Variants in SAMD11 observed in about 807,000 individuals in gnomAD.
SAMD11 encodes the protein sterile alpha motif domain-containing protein 11.
A neutral mutation model predicts 64.4 loss-of-function variants in SAMD11; 77 were observed. The ratio of observed to expected loss-of-function variants is 1.20; its 90% CI spans 0.99 to 1.44. The LOEUF (loss-of-function observed/expected upper bound fraction) is 1.44. SAMD11 is among the 40% of genes most tolerant of loss of function. SAMD11 has a pLI of 0.00. For synonymous variants in SAMD11, 658 were observed against 421.9 expected (o/e 1.56, Z -6.86); for missense variants, 1,402 against 943.3 (o/e 1.49, Z -6.37).
In SAMD11 at chr1:928,191, A is replaced by G. The variant is rs576826213; in HGVS notation, c.610-1964A>G. On this transcript the variant is annotated intron_variant, in intron 2 of 13. Transcript: ENST00000616016. ...GGCGGATCACGAGGTCAGGAGATCG[A>G]GACCATCCTGACTAACACGGTGAAA... Among the ~76,000 whole-genome samples, 755 of 152,198 alleles carry G rather than the reference A, an allele frequency of 5.0e-3. 3 individuals carry two copies. The highest frequency in any genetic ancestry group is 0.017 in the African/African-American group (692 of 41,526).
intron 7 of SAMD11, chr1:940,231 T>C (rs896102985): frequency 6.7e-6 from 1 of 149,680 alleles, no homozygotes; most frequent in Admixed American, 6.7e-5. Context: ...GGGGCCGCTC[T>C]GCTGGCCGCG....
At position 944,167 on chromosome 1, in the gene SAMD11, AGG is replaced by A. The variant is rs756128399; in HGVS notation, c.*17_*18del. 1 of 1,532,830 alleles carries A rather than the reference AGG, an allele frequency of 6.5e-7. No homozygotes were observed. The highest frequency in any genetic ancestry group is 8.8e-7 in the Non-Finnish European group (1 of 1,138,936). The allele number at this position is 1,532,830 out of a possible 1,614,324, so 95.0% of individuals were successfully genotyped here. A position where few individuals can be genotyped will look rare whatever the true frequency, so the allele number is the denominator to read the frequency against. ...CCTCTGTGTTGAGGTTGCCGGGGGTAGGGGTGGGGCCACACAAATCTCCAGGA... is the reference window on the plus strand; with the variant it reads ...CCTCTGTGTTGAGGTTGCCGGGGGTAGGTGGGGCCACACAAATCTCCAGGA... On this transcript the variant is annotated 3_prime_UTR_variant, in exon 14 of 14. Transcript: ENST00000616016.
In SAMD11 at chr1:943,726, A is replaced by G. The variant is rs755183924; in HGVS notation, c.2207A>G (p.Glu736Gly). The change falls in exon 13 of 14, where the codon GAG becomes GGG. Residue 736 changes from glutamate (E) to glycine (G), a missense_variant. Coordinates refer to ENST00000616016, the MANE Select transcript of SAMD11 (RefSeq NM_001385641.1). ...TTCAGGGAGCAGGGGATCGACGGGG[A>G]GACCCTGCCACTGCTGACGGAGGAG... ...RVFREQGIDG[E>G]TLPLLTEEHL... The G allele has an allele frequency of 1.3e-6, 2 of 1,589,574 alleles. No individual in the cohort carries two copies. The highest frequency in any genetic ancestry group is 1.7e-6 in the Non-Finnish European group (2 of 1,166,716).
intron 4 of SAMD11, among the ~76,000 whole-genome samples, chr1:933,423 A>AC (rs1338430028): frequency 6.6e-6 from 1 of 152,048 alleles, no homozygotes; most frequent in African/African-American, 2.4e-5. Flanking sequence ...CAGCCCCTCC[A>AC]CCCAGCTATT....
chr1:940,577 C>G (rs1016669474), intron 7 of SAMD11: 3 of 152,420 alleles, frequency 2.0e-5, no homozygotes, highest in African/African-American at 7.2e-5. Context: ...TGGGACGCGG[C>G]GCCTTAGACG....
chr1:929,588 C>T (rs897468786), intron 2 of SAMD11, among the ~76,000 whole-genome samples: 39 of 152,312 alleles, frequency 2.6e-4, no homozygotes, highest in Non-Finnish European at 5.3e-4. Flanking sequence ...AGAAGGGTCA[C>T]AAAGTACGGG....
Position 939,422 on chromosome 1 carries a change from C to T in SAMD11, c.1195+10C>T, listed in dbSNP as rs1297369267. 4.9e-6 allele frequency: 7 copies of T among 1,441,686 alleles called. No individual in the cohort carries two copies. Among genetic ancestry groups the T allele is most frequent in the East Asian group, 2.2e-5 (1 of 44,556 alleles). The allele number at this position is 1,441,686 out of a possible 1,614,324, so 89.3% of individuals were successfully genotyped here. A position where few individuals can be genotyped will look rare whatever the true frequency, so the allele number is the denominator to read the frequency against. On this transcript the variant is annotated intron_variant, in intron 7 of 13. Transcript: ENST00000616016. Reference sequence around the variant, plus strand: ...GGCCTCCCCAGCCACGGTGAGGACCCACCCTGGCATGATCCCCCTCATCAC... The same window carrying T: ...GGCCTCCCCAGCCACGGTGAGGACCTACCCTGGCATGATCCCCCTCATCAC...
At chr1:928,264 T>TGCC (rs1641000887) in intron 2 of SAMD11, among the ~76,000 whole-genome samples, 1 of 151,654 alleles carries the variant, frequency 6.6e-6, no homozygotes, top group South Asian at 2.1e-4. Flanking sequence ...TGGTGGCGGG[T>TGCC]GCCTGTAGTC....
rs550696180 is a variant in SAMD11, at chr1:937,954, G to A, written c.968-1086G>A. 7.2e-5 allele frequency among the ~76,000 whole-genome samples: 11 copies of A among 152,346 alleles called. No individual in the cohort carries two copies. In the South Asian group the frequency reaches 1.2e-3, roughly 17 times the overall value. ...GCCTGGAGCTGACGGCAGGGCTTGT[G>A]GGGGGACGGGCTTGGGAGCCCCACT... On this transcript the variant is annotated intron_variant, in intron 5 of 13. Coordinates refer to ENST00000616016, the MANE Select transcript of SAMD11 (RefSeq NM_001385641.1).
In SAMD11 at chr1:942,581, C is replaced by T. The variant is rs1385891997; in HGVS notation, c.1576C>T (p.Leu526=). The change falls in exon 11 of 14, where the codon CTG becomes TTG. Residue 526 remains leucine, a synonymous_variant. Coordinates refer to ENST00000616016, the MANE Select transcript of SAMD11 (RefSeq NM_001385641.1). ...CAGGCTGGAGCTGCCCGCCGACCTC[C>T]TGCGGCAGAAGGAGCTGGAGAGCGC... ...LARLELPADL[L]RQKELESARP... 5 of 1,414,568 alleles carry T rather than the reference C, an allele frequency of 3.5e-6. No individual in the cohort carries two copies. The highest frequency in any genetic ancestry group is 6.6e-5 in the Admixed American group (2 of 30,392). 87.6% of individuals were successfully genotyped at this position (1,414,568 alleles called of 1,614,324 possible). A position where few individuals can be genotyped will look rare whatever the true frequency, so the allele number is the denominator to read the frequency against.
rs754500093 is a variant in SAMD11, at chr1:941,216, C to T, written c.1268C>T (p.Pro423Leu). ...RGPSGLEAHL[P>L]SSTAGQRRKQ... ...CCCAGTGGCCTGGAAGCCCACCTGC[C>T]CTCCTCCACGGCAGGTCAGCGTCGG... is the stretch of plus-strand genomic sequence containing the variant. Residue 423 changes from proline (P) to leucine (L), a missense_variant, in exon 8 of 14, where the codon CCC becomes CTC. Transcript: ENST00000616016. 6.9e-6 allele frequency: 11 copies of T among 1,601,972 alleles called. No homozygotes were observed. The highest frequency in any genetic ancestry group is 6.8e-5 in the Admixed American group (4 of 58,794).
chr1:940,285 G>GA lies in SAMD11; in HGVS notation c.1196-859_1196-858insA, dbSNP rs1198731897. ...CGCCGGGGAGCGCGCTGTCAATCAG[G>GA]CCGCGCCGCCGCCCCCCCCCCCCGC... On this transcript the variant is annotated intron_variant, in intron 7 of 13. Coordinates refer to ENST00000616016, the MANE Select transcript of SAMD11 (RefSeq NM_001385641.1). 18 of 117,246 alleles carry GA rather than the reference G, an allele frequency of 1.5e-4. No individual in the cohort carries two copies. The East Asian group carries it at 5.0e-3, about 33-fold the overall frequency. The allele number at this position is 117,246 out of a possible 1,614,324, so 7.3% of individuals were successfully genotyped here. A position where few individuals can be genotyped will look rare whatever the true frequency, so the allele number is the denominator to read the frequency against.
At chr1:938,850 T>TC (rs1308546329) in intron 5 of SAMD11, among the ~76,000 whole-genome samples, 190 bp from the exon 6 acceptor site, 3 of 152,112 alleles carry the variant, frequency 2.0e-5, no homozygotes, top group Non-Finnish European at 4.4e-5. Context: ...TGTGCCCCTG[T>TC]CCCGCCACAG....
chr1:931,282 C>A (rs144909854), intron 4 of SAMD11, among the ~76,000 whole-genome samples, 193 bp downstream of exon 4: 1 of 152,170 alleles, frequency 6.6e-6, no homozygotes, highest in African/African-American at 2.4e-5. Flanking sequence ...AGTGTTGCAC[C>A]CAGTTGGGAC....
intron 1 of SAMD11, chr1:925,308 G>C (rs60837925): frequency 6.6e-6 from 1 of 151,102 alleles, no homozygotes; most frequent in African/African-American, 2.4e-5. Flanking sequence ...CTGGAGGGGC[G>C]CACGTGCGGC....
In SAMD11 at chr1:941,311, TG is replaced by T. The variant is rs1352258672; in HGVS notation, c.1358+9del. 3 of 1,556,504 alleles carry T rather than the reference TG, an allele frequency of 1.9e-6. No homozygotes were observed. The highest frequency in any genetic ancestry group is 3.8e-5 in the Admixed American group (2 of 52,714). Reference sequence around the variant, plus strand: ...CGCCCCGTCCTTCTCGGAGAGGTACTGGGGTGGCTGCCGTTCTCTGCTTGTT... The same window carrying T: ...CGCCCCGTCCTTCTCGGAGAGGTACTGGGTGGCTGCCGTTCTCTGCTTGTT... On this transcript the variant is annotated splice_donor_region_variant and intron_variant, in intron 8 of 13. Coordinates refer to ENST00000616016, the MANE Select transcript of SAMD11 (RefSeq NM_001385641.1).
rs770116036 is a variant in SAMD11 at position 931,032 on chromosome 1, C to G, written c.792-7C>G. 6.2e-7 allele frequency: 1 copy of G among 1,612,394 alleles called. No homozygotes were observed. Among genetic ancestry groups the G allele is most frequent in the East Asian group, 2.2e-5 (1 of 44,814 alleles). On this transcript the variant is annotated splice_polypyrimidine_tract_variant and splice_region_variant and intron_variant, in intron 3 of 13. Transcript: ENST00000616016. ...GCAACATGGACCTTCTGCTTCCCTT[C>G]CTGCAGAGTCCACACCCACTGGGAC...
chr1:930,433 C>A, intron 3 of SAMD11, 97 bp downstream of exon 3: 1 of 1,291,604 alleles, frequency 7.7e-7, no homozygotes, highest in Non-Finnish European at 1.1e-6. Flanking sequence ...ACACCGGCCT[C>A]CCACACCTTC....
At chr1:936,020 C>A (rs973722416) in intron 5 of SAMD11, 124 bp downstream of exon 5, 29 of 1,001,618 alleles carry the variant, frequency 2.9e-5, no homozygotes, top group Non-Finnish European at 3.7e-5. Flanking sequence ...GCCTGTCCCC[C>A]AGGGGCTGCA....
Sources: allele counts gnomAD v4.1 joint callset (sites outside exome capture counted in the v4.1 genomes callset), GRCh38; gene constraint gnomAD v4.1.1; transcripts MANE v1.5; gene names NCBI Gene and HGNC (gene_info 2026-07-23, HGNC 2026-07-21).